The following COX7B2 variants were observed in gnomAD, a reference collection of about 807,000 sequenced individuals.
COX7B2 encodes cytochrome c oxidase subunit 7B2.
For missense variants in COX7B2, 109 were observed against 95.9 expected (o/e 1.14, Z -0.57); for synonymous variants, 37 against 32.1 (o/e 1.15, Z -0.51).
Position 46,865,850 on chromosome 4 carries a change from A to G in COX7B2, c.-104-20836T>C, listed in dbSNP as rs571163378. Among the ~76,000 whole-genome samples, 7 of 152,264 alleles carry G rather than the reference A, an allele frequency of 4.6e-5. No individual in the cohort carries two copies. The South Asian group carries it at 1.5e-3, about 32-fold the overall frequency. On this transcript the variant is annotated intron_variant, in intron 1 of 2. Coordinates refer to ENST00000355591, the MANE Select transcript of COX7B2 (RefSeq NM_130902.3). ...GGCACATCTGGAAAATCTCACGACC[A>G]TGTCTCTGGACCTCGTAATTAACCA... is the stretch of plus-strand genomic sequence containing the variant.
intron 1 of COX7B2, among the ~76,000 whole-genome samples, chr4:46,885,136 T>C (rs1171146070): frequency 1.3e-5 from 2 of 152,132 alleles, no homozygotes; most frequent in African/African-American, 4.8e-5. Context: ...TTTTCATTAT[T>C]ATTACATCCA....
intron 1 of COX7B2, among the ~76,000 whole-genome samples, chr4:46,849,273 A>G (rs180786782): frequency 6.6e-6 from 1 of 152,104 alleles, no homozygotes; most frequent in East Asian, 1.9e-4. Context: ...AATTTCTCCT[A>G]TGTTTTGCTT....
At chr4:46,746,808 C>G (rs1715048438) in intron 2 of COX7B2, among the ~76,000 whole-genome samples, 1 of 152,150 alleles carries the variant, frequency 6.6e-6, no homozygotes, top group Non-Finnish European at 1.5e-5. Flanking sequence ...CTAAATAGCA[C>G]TACTTTGTTA....
intron 2 of COX7B2, among the ~76,000 whole-genome samples, chr4:46,768,512 T>C (rs753537836): frequency 4.0e-4 from 61 of 152,170 alleles, no homozygotes; most frequent in Non-Finnish European, 7.5e-4. Flanking sequence ...AATGGAGATG[T>C]GAAGTTCTAA....
chr4:46,868,522 C>T (rs1717806274), intron 1 of COX7B2, among the ~76,000 whole-genome samples: 1 of 152,104 alleles, frequency 6.6e-6, no homozygotes, highest in South Asian at 2.1e-4. Flanking sequence ...ATAAATTTCC[C>T]CCTTAACACT....
chr4:46,735,138 G>T lies in COX7B2; in HGVS notation c.55C>A (p.Leu19Met). 1.2e-6 allele frequency: 2 copies of T among 1,613,464 alleles called. No homozygotes were observed. The highest frequency in any genetic ancestry group is 1.7e-6 in the Non-Finnish European group (2 of 1,179,800). ...TGGCTATGTCTTGCCATGCTTTGCA[G>T]AATGCTTTGAATCTTGAGACTGCTT... ...ALSSLKIQSI[L>M]QSMARHSHVK... Residue 19 changes from leucine to methionine, a missense_variant, in exon 3 of 3, where the codon CTG becomes ATG. Transcript: ENST00000355591.
chr4:46,799,368 A>T (rs1718532326), intron 2 of COX7B2, among the ~76,000 whole-genome samples: 1 of 151,866 alleles, frequency 6.6e-6, no homozygotes, highest in African/African-American at 2.4e-5. Flanking sequence ...CTCTCCCCTT[A>T]TTTCTCTGGC....
intron 1 of COX7B2, among the ~76,000 whole-genome samples, chr4:46,894,881 A>G (rs554588145): frequency 6.6e-6 from 1 of 152,324 alleles, no homozygotes; most frequent in African/African-American, 2.4e-5. Context: ...TGTGAAAGAA[A>G]GGTGCATATC....
Position 46,827,378 on chromosome 4 carries a change from A to G in COX7B2, c.-50+17582T>C, listed in dbSNP as rs1002513241. ...GAAGCACCTAAAAACAAATGAAACT[A>G]TGTAGATGGTAACAATCATGCAACC... On this transcript the variant is annotated intron_variant, in intron 2 of 2. Coordinates refer to ENST00000355591, the MANE Select transcript of COX7B2 (RefSeq NM_130902.3). 2.0e-5 allele frequency among the ~76,000 whole-genome samples: 3 copies of G among 152,104 alleles called. No homozygotes were observed. The East Asian group carries it at 5.8e-4, about 29-fold the overall frequency.
intron 2 of COX7B2, among the ~76,000 whole-genome samples, chr4:46,802,645 T>G (rs547390764): frequency 1.3e-5 from 2 of 152,302 alleles, no homozygotes; most frequent in African/African-American, 4.8e-5. Flanking sequence ...GGTACCTAGT[T>G]TGAATCAGCT....
chr4:46,904,555 C>T (rs937212904), intron 1 of COX7B2, among the ~76,000 whole-genome samples: 2 of 152,080 alleles, frequency 1.3e-5, no homozygotes, highest in Admixed American at 6.6e-5. Context: ...TTTCATAATA[C>T]TCTGTTAACG....
chr4:46,822,401 G>T (rs940148865), intron 2 of COX7B2, among the ~76,000 whole-genome samples: 1 of 151,874 alleles, frequency 6.6e-6, no homozygotes, highest in Non-Finnish European at 1.5e-5. Flanking sequence ...ATAATATAGA[G>T]AGGATCCAGG....
intron 1 of COX7B2, among the ~76,000 whole-genome samples, chr4:46,857,102 G>C (rs1484037094): frequency 6.6e-6 from 1 of 152,160 alleles, no homozygotes; most frequent in East Asian, 1.9e-4. Context: ...CAAGCACATG[G>C]TGACAAGCCT....
chr4:46,842,851 G>A (rs1474635306), intron 2 of COX7B2, among the ~76,000 whole-genome samples: 2 of 152,026 alleles, frequency 1.3e-5, no homozygotes, highest in Non-Finnish European at 2.9e-5. Flanking sequence ...GAATAGTGCT[G>A]CTATAAACAT....
At chr4:46,827,389 A>G (rs1236488895) in intron 2 of COX7B2, among the ~76,000 whole-genome samples, 2 of 152,144 alleles carry the variant, frequency 1.3e-5, no homozygotes, top group Non-Finnish European at 2.9e-5. Flanking sequence ...TGTAGATGGT[A>G]ACAATCATGC....
intron 2 of COX7B2, among the ~76,000 whole-genome samples, chr4:46,841,032 A>T (rs1715892206): frequency 6.6e-6 from 1 of 152,048 alleles, no homozygotes; most frequent in Non-Finnish European, 1.5e-5. Context: ...TTGTCAGCAG[A>T]GCAAAGCACA....
chr4:46,873,133 C>T (rs1364064399), intron 1 of COX7B2, among the ~76,000 whole-genome samples: 13 of 152,094 alleles, frequency 8.5e-5, no homozygotes. Flanking sequence ...TCATCCATGT[C>T]CCTGCAAAGG....
chr4:46,798,074 A>C (rs1718455879), intron 2 of COX7B2, among the ~76,000 whole-genome samples: 1 of 152,198 alleles, frequency 6.6e-6, no homozygotes, highest in Admixed American at 6.5e-5. Flanking sequence ...GTTAATTGGA[A>C]CTAGTGAGCA....
intron 2 of COX7B2, among the ~76,000 whole-genome samples, chr4:46,791,139 C>T (rs1718020553): frequency 6.6e-6 from 1 of 151,844 alleles, no homozygotes; most frequent in Non-Finnish European, 1.5e-5. Flanking sequence ...GCTGGGACTA[C>T]AGGCGCCCGC....
Sources: gnomAD v4.1 joint callset for allele counts (sites outside exome capture counted in the v4.1 genomes callset) on GRCh38, gnomAD v4.1.1 for gene constraint, MANE v1.5 for transcripts, NCBI Gene and HGNC (gene_info 2026-07-23, HGNC 2026-07-21) for gene names.